Variants in OSBPL10 observed in about 807,000 individuals in gnomAD.
OSBPL10 encodes the protein oxysterol binding protein like 10.
Under a neutral mutation model 81.7 loss-of-function variants are expected in OSBPL10, and 49 were observed. That is an observed-to-expected ratio of 0.60 (90% CI 0.48 to 0.76). OSBPL10 has a LOEUF of 0.76. Among genes scored for constraint, OSBPL10 ranks in the 30% least tolerant of loss-of-function variants. The pLI, the probability that OSBPL10 is intolerant of heterozygous loss-of-function variation, is 0.00. For missense variants in OSBPL10, 923 were observed against 987.8 expected (o/e 0.93, Z 0.88); for synonymous variants, 419 against 383.6 (o/e 1.09, Z -1.08).
chr3:31,885,798 C>T lies in OSBPL10; in HGVS notation c.282-5968G>A, dbSNP rs1367324499. ...AGGAGTTCAAGATCAGCCTGGCCAACATGGTGAAACCCCATCTCTACTAAA... is the reference window on the plus strand; with the variant it reads ...AGGAGTTCAAGATCAGCCTGGCCAATATGGTGAAACCCCATCTCTACTAAA... On this transcript the variant is annotated intron_variant, in intron 1 of 11. Transcript: ENST00000396556. Among the ~76,000 whole-genome samples, 19 of 136,950 alleles carry T rather than the reference C, an allele frequency of 1.4e-4. No homozygotes were observed. The South Asian group carries it at 2.3e-3, about 17-fold the overall frequency. The allele number at this position is 136,950 out of a possible 152,430, so 89.8% of individuals were successfully genotyped here.
chr3:31,845,127 T>A lies in OSBPL10; in HGVS notation c.538-14896A>T, dbSNP rs112106108. Among the ~76,000 whole-genome samples, 1,017 of 124,202 alleles carry A rather than the reference T, an allele frequency of 8.2e-3. 16 individuals carry two copies. The South Asian group carries it at 0.088, about 11-fold the overall frequency. The allele number at this position is 124,202 out of a possible 152,430, so 81.5% of individuals were successfully genotyped here. On this transcript the variant is annotated intron_variant, in intron 3 of 11. Coordinates refer to ENST00000396556, the MANE Select transcript of OSBPL10 (RefSeq NM_017784.5). ...GTATTTTATGTCAATGACTTTCATA[T>A]CAATTTTTTTTTAATGAAAATAAAA...
At chr3:31,846,973 T>A (rs1404187111) in intron 3 of OSBPL10, among the ~76,000 whole-genome samples, 1 of 152,180 alleles carries the variant, frequency 6.6e-6, no homozygotes, top group Non-Finnish European at 1.5e-5. Context: ...TACAAAGAAC[T>A]TTTTGTGTGT....
chr3:31,812,690 G>T (rs1176642130), intron 4 of OSBPL10, among the ~76,000 whole-genome samples: 1 of 145,948 alleles, frequency 6.9e-6, no homozygotes, highest in East Asian at 2.1e-4. Flanking sequence ...CCAGAGGTAT[G>T]CTGGAATCTC....
chr3:31,757,143 A>G (rs139154069), intron 4 of OSBPL10, among the ~76,000 whole-genome samples: 22 of 152,322 alleles, frequency 1.4e-4, no homozygotes, highest in Non-Finnish European at 2.9e-4. Flanking sequence ...ATATATTTTT[A>G]TGATTGAAAT....
intron 6 of OSBPL10, among the ~76,000 whole-genome samples, chr3:31,728,595 G>A (rs1014408638): frequency 6.6e-6 from 1 of 152,188 alleles, no homozygotes; most frequent in African/African-American, 2.4e-5. Flanking sequence ...GAATGCCTTA[G>A]AATGATTCAC....
intron 2 of OSBPL10, among the ~76,000 whole-genome samples, chr3:32,044,380 AAATAAT>A (rs1411276665): frequency 1.3e-5 from 2 of 148,350 alleles, no homozygotes; most frequent in African/African-American, 4.9e-5. Context: ...TATATATAAT[AAATAAT>A]AATAATAATA....
intron 4 of OSBPL10, among the ~76,000 whole-genome samples, chr3:31,763,169 G>C (rs1040099186): frequency 4.9e-4 from 74 of 152,296 alleles, no homozygotes; most frequent in African/African-American, 1.7e-3. Flanking sequence ...TGGTTTGAAA[G>C]TTTCATTCAA....
rs1270463379 is a variant in OSBPL10, at chr3:31,833,699, G to GCA, written c.538-3470_538-3469dup. 3.9e-3 allele frequency among the ~76,000 whole-genome samples: 468 copies of GCA among 118,844 alleles called. 2 individuals carry two copies. The highest frequency in any genetic ancestry group is 0.026 in the East Asian group (93 of 3,538). 78.0% of individuals were successfully genotyped at this position (118,844 alleles called of 152,430 possible). A position where few individuals can be genotyped will look rare whatever the true frequency, so the allele number is the denominator to read the frequency against. On this transcript the variant is annotated intron_variant, in intron 3 of 11. Transcript: ENST00000396556. ...AAGATTGTAGGGAAAACACGCACAC[G>GCA]CACACGCACACACACACACACACAC...
At chr3:32,037,611 C>A in intron 2 of OSBPL10, 1 of 221,080 alleles carries the variant, frequency 4.5e-6, no homozygotes, top group South Asian at 7.0e-5. Flanking sequence ...TATAGGATGC[C>A]ATGGCATTTG....
At chr3:31,816,805 G>A (rs756758326) in intron 4 of OSBPL10, among the ~76,000 whole-genome samples, 5 of 152,130 alleles carry the variant, frequency 3.3e-5, no homozygotes, top group African/African-American at 7.2e-5. Flanking sequence ...TAGGCAGGCC[G>A]TCTGTCAAGA....
intron 7 of OSBPL10, 126 bp downstream of exon 7, chr3:31,702,233 C>T: frequency 1.8e-6 from 2 of 1,139,688 alleles, no homozygotes. Flanking sequence ...GAAAGCAATG[C>T]TGGCCTTTTT....
intron 4 of OSBPL10, among the ~76,000 whole-genome samples, chr3:31,785,774 G>A (rs376165034): frequency 1.2e-4 from 18 of 152,178 alleles, no homozygotes; most frequent in African/African-American, 4.1e-4. Context: ...GATAATTCCT[G>A]GTCATTGACA....
At chr3:31,723,572 C>CACACACACACACACACACA (rs753039730) in intron 6 of OSBPL10, among the ~76,000 whole-genome samples, 57 of 146,758 alleles carry the variant, frequency 3.9e-4, no homozygotes, top group East Asian at 2.0e-3. Context: ...ACACACACAC[C>CACACACACACACACACACA]CCTTTCCCTC....
At chr3:31,852,671 C>T (rs915582191) in intron 3 of OSBPL10, among the ~76,000 whole-genome samples, 22 of 152,108 alleles carry the variant, frequency 1.4e-4, no homozygotes, top group African/African-American at 5.1e-4. Flanking sequence ...CTCCAACTCC[C>T]AGGCTCAAGC....
At chr3:31,857,529 C>A (rs1270836487) in intron 3 of OSBPL10, among the ~76,000 whole-genome samples, 29 of 151,864 alleles carry the variant, frequency 1.9e-4, no homozygotes, top group Admixed American at 1.8e-3. Flanking sequence ...CCCACGAGAA[C>A]ACAGCACTCA....
intron 4 of OSBPL10, among the ~76,000 whole-genome samples, chr3:31,769,382 T>C (rs1466093718): frequency 1.4e-5 from 2 of 138,364 alleles, no homozygotes; most frequent in African/African-American, 5.3e-5. Context: ...GAGACAGAGG[T>C]TGCAGTGAGC....
chr3:31,869,953 A>G (rs542638461), intron 3 of OSBPL10, among the ~76,000 whole-genome samples: 17 of 152,330 alleles, frequency 1.1e-4, no homozygotes, highest in South Asian at 8.3e-4. Context: ...AGGTGACAGC[A>G]TGCTGGCAGT....
chr3:32,031,764 T>C (rs1170565527), intron 2 of OSBPL10, among the ~76,000 whole-genome samples: 2 of 150,492 alleles, frequency 1.3e-5, no homozygotes, highest in Non-Finnish European at 2.9e-5. Context: ...AAAAGGCTTT[T>C]AATATACTAA....
At chr3:31,691,810 G>C (rs1032316917) in intron 7 of OSBPL10, among the ~76,000 whole-genome samples, 7 of 152,136 alleles carry the variant, frequency 4.6e-5, no homozygotes, top group African/African-American at 1.7e-4. Flanking sequence ...AACACACCCA[G>C]TGCAAACAAG....
Sources: gnomAD v4.1 joint callset for allele counts (sites outside exome capture counted in the v4.1 genomes callset) on GRCh38, gnomAD v4.1.1 for gene constraint, MANE v1.5 for transcripts, NCBI Gene and HGNC (gene_info 2026-07-23, HGNC 2026-07-21) for gene names.